Variants in COPG2 observed in about 807,000 individuals in gnomAD.
The protein encoded by COPG2 is coatomer subunit gamma-2.
A neutral mutation model predicts 46.3 loss-of-function variants in COPG2; 37 were observed. The observed-to-expected ratio is 0.80, with a 90% CI of 0.61 to 1.05. COPG2 has a LOEUF of 1.05. Ranked by LOEUF, COPG2 falls within the 50% of genes least tolerant of loss-of-function variation. COPG2 has a pLI of 0.00. For missense variants in COPG2, 427 were observed against 387.8 expected, an observed-to-expected ratio of 1.10 and a Z score of -0.85; for synonymous variants, 159 against 129.7, an observed-to-expected ratio of 1.23 and a Z score of -1.53.
chr7:130,507,482 G>A (rs1799517060), intron 22 of COPG2, 110 bp from the exon 23 acceptor site: 2 of 728,480 alleles, frequency 2.7e-6, no homozygotes, highest in African/African-American at 3.5e-5. Context: ...GGTGAAGGGG[G>A]TTGTTGGTGA....
chr7:130,569,227 A>AAAC (rs1378929103), intron 9 of COPG2, among the ~76,000 whole-genome samples: 2 of 152,152 alleles, frequency 1.3e-5, no homozygotes, highest in East Asian at 1.9e-4. Context: ...AATGAAACTG[A>AAAC]AACAACAACA....
intron 9 of COPG2, among the ~76,000 whole-genome samples, chr7:130,577,753 G>A (rs1205766534): frequency 2.2e-5 from 3 of 138,604 alleles, no homozygotes; most frequent in Admixed American, 1.5e-4. Flanking sequence ...GGGCGACAGA[G>A]CGAGACTCCG....
At chr7:130,636,730 T>C (rs782545338) in intron 5 of COPG2, among the ~76,000 whole-genome samples, 7 of 152,094 alleles carry the variant, frequency 4.6e-5, no homozygotes, top group Non-Finnish European at 8.8e-5. Context: ...ACATTTAAGG[T>C]TGATATTGTT....
intron 9 of COPG2, among the ~76,000 whole-genome samples, chr7:130,588,799 T>TA (rs199593034): frequency 4.0e-5 from 6 of 151,058 alleles, no homozygotes; most frequent in Non-Finnish European, 8.9e-5. Flanking sequence ...AGTATAATAA[T>TA]AAAAAAAAAG....
intron 5 of COPG2, among the ~76,000 whole-genome samples, chr7:130,637,286 G>A (rs1289888479): frequency 1.3e-5 from 2 of 152,134 alleles, no homozygotes; most frequent in Non-Finnish European, 2.9e-5. Flanking sequence ...CTAGGTTGGG[G>A]AAGTTCTTCT....
At chr7:130,613,660 ATTG>A in intron 6 of COPG2, 24 bp from the exon 7 acceptor site, 4 of 1,505,442 alleles carry the variant, frequency 2.7e-6, no homozygotes, top group Non-Finnish European at 3.6e-6. Flanking sequence ...AAAAGAAAAA[ATTG>A]TTAAGGAAAA....
chr7:130,584,062 A>C (rs1794216785), intron 9 of COPG2, among the ~76,000 whole-genome samples: 1 of 151,970 alleles, frequency 6.6e-6, no homozygotes, highest in African/African-American at 2.4e-5. Context: ...TAAAATCCTT[A>C]ACAAAATACT....
At chr7:130,565,473 T>C (rs1168122457) in intron 9 of COPG2, among the ~76,000 whole-genome samples, 1 of 152,208 alleles carries the variant, frequency 6.6e-6, no homozygotes, top group Non-Finnish European at 1.5e-5. Context: ...ATTACCAGTG[T>C]TGTCACATTA....
intron 20 of COPG2, among the ~76,000 whole-genome samples, chr7:130,528,943 A>G (rs1344494012): frequency 2.0e-5 from 3 of 152,080 alleles, no homozygotes; most frequent in Admixed American, 6.5e-5. Flanking sequence ...AAGATAAGCA[A>G]GGAATGAAGG....
Position 130,554,741 on chromosome 7 carries a change from T to C in COPG2, c.1225-17A>G, listed in dbSNP as rs1441862831. On this transcript the variant is annotated splice_polypyrimidine_tract_variant and intron_variant, in intron 13 of 23. Coordinates refer to ENST00000425248, the MANE Select transcript of COPG2 (RefSeq NM_012133.6). ...AAAGCCTCCCTGGCAAAAAAGAAGA[T>C]AAAACTGCCATTCATTCTAGGGACA... 2 of 398,484 alleles carry C rather than the reference T, an allele frequency of 5.0e-6. No individual in the cohort carries two copies. Among genetic ancestry groups the C allele is most frequent in the African/African-American group, 4.1e-5 (2 of 48,648 alleles). 24.7% of individuals were successfully genotyped at this position (398,484 alleles called of 1,614,324 possible).
At chr7:130,563,509 A>G (rs934143679) in intron 10 of COPG2, among the ~76,000 whole-genome samples, 173 bp from the exon 11 acceptor site, 1 of 152,036 alleles carries the variant, frequency 6.6e-6, no homozygotes, top group South Asian at 2.1e-4. Flanking sequence ...ATCATATACC[A>G]TATAGCTGAA....
intron 9 of COPG2, chr7:130,605,905 C>G: frequency 2.6e-6 from 1 of 391,312 alleles, no homozygotes. Flanking sequence ...AAAAAACTAA[C>G]AGATTTTGGT....
At chr7:130,606,948 G>A (rs1428205713) in intron 9 of COPG2, among the ~76,000 whole-genome samples, 1 of 152,008 alleles carries the variant, frequency 6.6e-6, no homozygotes, top group Non-Finnish European at 1.5e-5. Flanking sequence ...TTCCATTAAA[G>A]TCATGGACAA....
Position 130,610,981 on chromosome 7 carries a change from T to C in COPG2, c.709A>G (p.Ser237Gly). The change falls in exon 9 of 24, where the codon AGT (serine) becomes GGT (glycine). Residue 237 changes from serine to glycine, a missense_variant. Coordinates refer to ENST00000425248, the MANE Select transcript of COPG2 (RefSeq NM_012133.6). ...FAYCMLIRIA[S>G]RLLKETEDGH... The stretch of plus-strand genomic sequence containing the variant: ...TCCTCAGTTTCTTTTAGTAAGCGAC[T>C]GGCAATTCGGATCAGCATGCAGTAA... The C allele has an allele frequency of 6.2e-7, 1 of 1,613,980 alleles. No individual in the cohort carries two copies. The highest frequency in any genetic ancestry group is 8.5e-7 in the Non-Finnish European group (1 of 1,179,870).
chr7:130,614,318 C>G (rs946638616), intron 6 of COPG2, among the ~76,000 whole-genome samples: 2 of 152,114 alleles, frequency 1.3e-5, no homozygotes, highest in African/African-American at 2.4e-5. Flanking sequence ...AAATAAAAAA[C>G]AATCACAACA....
At chr7:130,619,792 T>C (rs1360495562) in intron 5 of COPG2, among the ~76,000 whole-genome samples, 1 of 152,264 alleles carries the variant, frequency 6.6e-6, no homozygotes, top group Non-Finnish European at 1.5e-5. Context: ...GTCCCTGTAC[T>C]TGAATGACAA....
At chr7:130,586,656 A>G (rs145003280) in intron 9 of COPG2, among the ~76,000 whole-genome samples, 118,687 of 151,622 alleles carry the variant, frequency 0.78, 46,984 homozygotes, top group Non-Finnish European at 0.85. Flanking sequence ...TAGAGACAGC[A>G]TTTTACCATG....
chr7:130,524,452 A>T (rs908498709), intron 20 of COPG2, among the ~76,000 whole-genome samples: 4 of 152,136 alleles, frequency 2.6e-5, no homozygotes, highest in Non-Finnish European at 4.4e-5. Flanking sequence ...ACATCAGGGG[A>T]TGAGTTTGCA....
chr7:130,552,666 T>C (rs1277408393), intron 14 of COPG2, among the ~76,000 whole-genome samples: 4 of 152,220 alleles, frequency 2.6e-5, no homozygotes, highest in Non-Finnish European at 5.9e-5. Flanking sequence ...AAGATTCATA[T>C]AGATTTTCTG....
Sources: allele counts gnomAD v4.1 joint callset (sites outside exome capture counted in the v4.1 genomes callset), GRCh38; gene constraint gnomAD v4.1.1; transcripts MANE v1.5; gene names NCBI Gene and HGNC (gene_info 2026-07-23, HGNC 2026-07-21).